ZNF250: variants seen among roughly 807,000 people sequenced by gnomAD.
ZNF250 encodes zinc finger protein 250.
ZNF250 carries 13 observed loss-of-function variants against 37.1 expected under a neutral mutation model. That is an observed-to-expected ratio of 0.35 (90% CI 0.23 to 0.56). The LOEUF (loss-of-function observed/expected upper bound fraction) is 0.56. Ranked by LOEUF, ZNF250 falls within the 20% of genes least tolerant of loss-of-function variation. The probability of loss-of-function intolerance (pLI) is 0.87; values close to 1 mark genes in which losing one functional copy is unlikely to be tolerated. For missense variants in ZNF250, 474 were observed against 697.9 expected (o/e 0.68, Z 3.61); for synonymous variants, 251 against 265.6 (o/e 0.94, Z 0.54).
chr8:144,893,017 G>A (rs1832456476), intron 1 of ZNF250, among the ~76,000 whole-genome samples: 1 of 151,500 alleles, frequency 6.6e-6, no homozygotes, highest in South Asian at 2.1e-4. Flanking sequence ...CCACCAGCAC[G>A]CTCGGCTAAT....
Position 144,881,943 on chromosome 8 carries a change from C to T in ZNF250, c.1240G>A (p.Glu414Lys), listed in dbSNP as rs755012447. 1.7e-5 allele frequency: 28 copies of T among 1,613,904 alleles called. No homozygotes were observed. The highest frequency in any genetic ancestry group is 1.0e-4 in the Admixed American group (6 of 59,988). Reference protein sequence around the residue: ...TLMNHERIHTEEKPYACYECG... With the variant: ...TLMNHERIHTKEKPYACYECG... ...TCGTAGCATGCATAGGGCTTTTCCT[C>T]GGTGTGGATCCGCTCGTGATTCATC... The change falls in exon 6 of 6, where the codon GAG (glutamate) becomes AAG (lysine). Residue 414 changes from glutamate to lysine, a missense_variant. Coordinates refer to ENST00000417550, the MANE Select transcript of ZNF250 (RefSeq NM_001109689.4).
intron 1 of ZNF250, among the ~76,000 whole-genome samples, chr8:144,896,673 G>A (rs1002404170): frequency 6.6e-6 from 1 of 152,208 alleles, no homozygotes. Flanking sequence ...AGGCAGGGAA[G>A]GAGGATGATG....
Position 144,897,231 on chromosome 8 carries a change from TCTC to T in ZNF250, c.-55+4165_-55+4167del, listed in dbSNP as rs1203875724. 1.3e-5 allele frequency among the ~76,000 whole-genome samples: 2 copies of T among 152,100 alleles called. No individual in the cohort carries two copies. Among genetic ancestry groups the T allele is most frequent in the East Asian group, 1.9e-4 (1 of 5,184 alleles). On this transcript the variant is annotated intron_variant, in intron 1 of 5. Transcript: ENST00000417550. The surrounding 1 kb of genome is among the most constrained non-coding windows in gnomAD (Gnocchi z 5.2). Reference sequence around the variant, plus strand: ...AGGATCTCCTCCAGGGCCACTGCCTTCTCCTGCTCCTCATCATCCTCACTCCCT... The same window carrying T: ...AGGATCTCCTCCAGGGCCACTGCCTTCTGCTCCTCATCATCCTCACTCCCT...
rs1184293318 is a variant in ZNF250, at chr8:144,901,260, G to A, written c.-55+139C>T. 2 of 152,408 alleles carry A rather than the reference G, an allele frequency of 1.3e-5. No homozygotes were observed. The highest frequency in any genetic ancestry group is 6.5e-5 in the Admixed American group (1 of 15,296). The allele number at this position is 152,408 out of a possible 1,614,324, so 9.4% of individuals were successfully genotyped here. On this transcript the variant is annotated intron_variant, in intron 1 of 5. Coordinates refer to ENST00000417550, the MANE Select transcript of ZNF250 (RefSeq NM_001109689.4). The surrounding 1 kb of genome is among the most constrained non-coding windows in gnomAD (Gnocchi z 5.4). ...GGAGGAGGCCGCCGCGCGTCCGTGA[G>A]GGGAGGGGACCAGCGTAAACGCAGG...
intron 1 of ZNF250, among the ~76,000 whole-genome samples, chr8:144,893,974 A>T (rs555522270): frequency 6.6e-6 from 1 of 152,196 alleles, no homozygotes; most frequent in Admixed American, 6.5e-5. Flanking sequence ...TGTGAGTCTG[A>T]AAAGTCAGTT....
At chr8:144,886,761 G>A (rs563951896) in intron 5 of ZNF250, 79 bp downstream of exon 5, 42 of 1,300,790 alleles carry the variant, frequency 3.2e-5, no homozygotes, top group Middle Eastern at 1.9e-4. Context: ...GCACCGAGTC[G>A]CCTCTACATT....
At chr8:144,885,958 ATGG>A (rs886439639) in intron 5 of ZNF250, among the ~76,000 whole-genome samples, 5 of 151,506 alleles carry the variant, frequency 3.3e-5, no homozygotes, top group African/African-American at 9.7e-5. Context: ...TTAGCTGGGC[ATGG>A]TGGTGTACAC....
chr8:144,895,950 A>G (rs1048203082), intron 1 of ZNF250, among the ~76,000 whole-genome samples: 2 of 149,086 alleles, frequency 1.3e-5, no homozygotes, highest in African/African-American at 5.0e-5. Flanking sequence ...CAGAGGTTGC[A>G]GTGAGCCAAG....
chr8:144,896,383 AT>A (rs201336022), intron 1 of ZNF250, among the ~76,000 whole-genome samples: 6 of 61,514 alleles, frequency 9.8e-5, no homozygotes, highest in East Asian at 4.2e-4. Context: ...TTAAAAAAAA[AT>A]ATGAACAAAA....
chr8:144,881,434 C>G lies in ZNF250; in HGVS notation c.*81G>C, dbSNP rs1831458856. The G allele has an allele frequency of 1.3e-6, 2 of 1,485,656 alleles. No homozygotes were observed. The highest frequency in any genetic ancestry group is 1.8e-6 in the Non-Finnish European group (2 of 1,117,532). 92.0% of individuals were successfully genotyped at this position (1,485,656 alleles called of 1,614,324 possible). On this transcript the variant is annotated 3_prime_UTR_variant, in exon 6 of 6. Transcript: ENST00000417550. ...AAAGAAAAGCTTCCTATAGAGTTAA[C>G]AGAGACTTCTCTTGGGCTGAAGGCT...
At position 144,901,114 on chromosome 8, in the gene ZNF250, G is replaced by T. The variant is rs1414302208; in HGVS notation, c.-55+285C>A. On this transcript the variant is annotated intron_variant, in intron 1 of 5. Coordinates refer to ENST00000417550, the MANE Select transcript of ZNF250 (RefSeq NM_001109689.4). The surrounding 1 kb of genome is among the most constrained non-coding windows in gnomAD (Gnocchi z 5.4). ...GACGGGGCCCAAGGGGGTAGGGGCG[G>T]GGAAGGGACCGAGGCCGTCCGAGGC... Among the ~76,000 whole-genome samples the T allele has an allele frequency of 6.6e-6, 1 of 152,000 alleles. No individual in the cohort carries two copies. Among genetic ancestry groups the T allele is most frequent in the Non-Finnish European group, 1.5e-5 (1 of 67,974 alleles).
At position 144,878,837 on chromosome 8, in the gene ZNF250, G is replaced by T. The variant is rs73379295; in HGVS notation, c.*2678C>A. On this transcript the variant is annotated 3_prime_UTR_variant, in exon 6 of 6. Coordinates refer to ENST00000417550, the MANE Select transcript of ZNF250 (RefSeq NM_001109689.4). The stretch of plus-strand genomic sequence containing the variant: ...GTAATACCTTAGTGATCCCATTTCC[G>T]TTATTTCAGCTCCTCTGAAGTAAAC... The T allele has an allele frequency of 6.6e-6, 1 of 152,072 alleles. No individual in the cohort carries two copies. Among genetic ancestry groups the T allele is most frequent in the Non-Finnish European group, 1.5e-5 (1 of 68,014 alleles). The allele number at this position is 152,072 out of a possible 1,614,324, so 9.4% of individuals were successfully genotyped here. A position where few individuals can be genotyped will look rare whatever the true frequency, so the allele number is the denominator to read the frequency against.
rs73379295 is a variant in ZNF250, at chr8:144,878,837, G to C, written c.*2678C>G. On this transcript the variant is annotated 3_prime_UTR_variant, in exon 6 of 6. Transcript: ENST00000417550. The stretch of plus-strand genomic sequence containing the variant: ...GTAATACCTTAGTGATCCCATTTCC[G>C]TTATTTCAGCTCCTCTGAAGTAAAC... The C allele has an allele frequency of 2.2e-3, 338 of 152,190 alleles. No homozygotes were observed. Among genetic ancestry groups the C allele is most frequent in the African/African-American group, 7.8e-3 (325 of 41,526 alleles). 9.4% of individuals were successfully genotyped at this position (152,190 alleles called of 1,614,324 possible). A position where few individuals can be genotyped will look rare whatever the true frequency, so the allele number is the denominator to read the frequency against.
rs1831245850 is a variant in ZNF250, at chr8:144,878,242, C to A, written c.*3273G>T. 1 of 152,192 alleles carries A rather than the reference C, an allele frequency of 6.6e-6. No homozygotes were observed. The highest frequency in any genetic ancestry group is 1.9e-4 in the East Asian group (1 of 5,200). 9.4% of individuals were successfully genotyped at this position (152,192 alleles called of 1,614,324 possible). The stretch of plus-strand genomic sequence containing the variant: ...TGATCTCAGCTCCATTCTGAAGTAA[C>A]TTCTCAGTGATCATAGCTTTTCCCT... On this transcript the variant is annotated 3_prime_UTR_variant, in exon 6 of 6. Transcript: ENST00000417550.
At chr8:144,900,531 C>T (rs553625047) in intron 1 of ZNF250, among the ~76,000 whole-genome samples, 2 of 152,252 alleles carry the variant, frequency 1.3e-5, no homozygotes, top group African/African-American at 2.4e-5. Flanking sequence ...TTCTGACATG[C>T]CTGCATTAGA....
chr8:144,879,561 C>T lies in ZNF250; in HGVS notation c.*1954G>A, dbSNP rs992726246. ...CTCCAACCTGGTGACAGAGCAAGACCGTCTTTAAAACAAACAAAAAGGATC... is the reference window on the plus strand; with the variant it reads ...CTCCAACCTGGTGACAGAGCAAGACTGTCTTTAAAACAAACAAAAAGGATC... On this transcript the variant is annotated 3_prime_UTR_variant, in exon 6 of 6. Transcript: ENST00000417550. 3.3e-5 allele frequency: 5 copies of T among 152,186 alleles called. No individual in the cohort carries two copies. The highest frequency in any genetic ancestry group is 4.8e-5 in the African/African-American group (2 of 41,424). 9.4% of individuals were successfully genotyped at this position (152,186 alleles called of 1,614,324 possible). A position where few individuals can be genotyped will look rare whatever the true frequency, so the allele number is the denominator to read the frequency against.
At chr8:144,894,832 T>TC (rs972348426) in intron 1 of ZNF250, among the ~76,000 whole-genome samples, 17 of 13,372 alleles carry the variant, frequency 1.3e-3, no homozygotes, top group African/African-American at 3.1e-3. Flanking sequence ...AATTTCTTAA[T>TC]TTTTTTTTTT....
intron 1 of ZNF250, chr8:144,895,354 G>A (rs1490975338): frequency 6.6e-6 from 1 of 152,160 alleles, no homozygotes; most frequent in Non-Finnish European, 1.5e-5. Context: ...CCCATGAAGG[G>A]TATGTGTGTC....
rs1197795945 is a variant in ZNF250 at position 144,891,644 on chromosome 8, G to A, written c.-54-1241C>T. On this transcript the variant is annotated intron_variant, in intron 1 of 5. Coordinates refer to ENST00000417550, the MANE Select transcript of ZNF250 (RefSeq NM_001109689.4). This position sits in a 1 kb window ranked among gnomAD's most constrained non-coding sequence, Gnocchi z 4.0. ...AGGCAGGCGGATCACCCGAGGTTGG[G>A]AGTTCGAGACCAGCCATGACCAACA... Among the ~76,000 whole-genome samples, 1 of 152,152 alleles carries A rather than the reference G, an allele frequency of 6.6e-6. No individual in the cohort carries two copies. The highest frequency in any genetic ancestry group is 6.5e-5 in the Admixed American group (1 of 15,284).
Sources: allele counts gnomAD v4.1 joint callset (sites outside exome capture counted in the v4.1 genomes callset), GRCh38; gene constraint gnomAD v4.1.1; non-coding constraint Gnocchi (gnomAD v3.1); transcripts MANE v1.5; gene names NCBI Gene and HGNC (gene_info 2026-07-23, HGNC 2026-07-21).